The following SLC44A5 variants were observed in gnomAD, a reference collection of about 807,000 sequenced individuals.
The protein encoded by SLC44A5 is choline transporter-like protein 5.
SLC44A5 carries 57 observed loss-of-function variants against 101.8 expected under a neutral mutation model. The observed-to-expected ratio is 0.56, with a 90% CI of 0.45 to 0.70. The LOEUF (loss-of-function observed/expected upper bound fraction) is 0.70, where lower values mean the gene tolerates loss of function less well. Among genes scored for constraint, SLC44A5 ranks in the 30% least tolerant of loss-of-function variants. The pLI is 0.00. For synonymous variants in SLC44A5, 281 were observed against 290.9 expected (o/e 0.97, Z 0.35); for missense variants, 737 against 853.1 (o/e 0.86, Z 1.70).
intron 1 of SLC44A5, among the ~76,000 whole-genome samples, chr1:75,584,799 G>A (rs573326280): frequency 4.4e-4 from 67 of 152,158 alleles, no homozygotes; most frequent in Admixed American, 8.5e-4. Context: ...GTTTCACCAC[G>A]TTGTCCAGGC....
chr1:75,473,843 G>T (rs1175674251), intron 2 of SLC44A5, among the ~76,000 whole-genome samples: 1 of 151,796 alleles, frequency 6.6e-6, no homozygotes, highest in Non-Finnish European at 1.5e-5. Context: ...TAGCAAATTT[G>T]TCCAGCCTAG....
intron 3 of SLC44A5, among the ~76,000 whole-genome samples, chr1:75,376,080 G>A (rs989269824): frequency 1.3e-5 from 2 of 152,196 alleles, no homozygotes; most frequent in South Asian, 2.1e-4. Context: ...GGTGACGGAC[G>A]CACCTGGAAA....
chr1:75,270,118 C>T (rs1005003338), intron 6 of SLC44A5, among the ~76,000 whole-genome samples: 1 of 152,104 alleles, frequency 6.6e-6, no homozygotes, highest in African/African-American at 2.4e-5. Context: ...TTTTTCTTTA[C>T]ATATTACCCA....
At chr1:75,204,920 T>C (rs1646725004) in intron 23 of SLC44A5, 1 of 152,234 alleles carries the variant, frequency 6.6e-6, no homozygotes, top group South Asian at 2.1e-4. Flanking sequence ...TAACAAATTC[T>C]CAGGTAGAGG....
chr1:75,426,281 C>G (rs546567453), intron 2 of SLC44A5, among the ~76,000 whole-genome samples: 1 of 152,128 alleles, frequency 6.6e-6, no homozygotes, highest in Non-Finnish European at 1.5e-5. Context: ...GAAAGTCATT[C>G]CTGATCTCTC....
At chr1:75,284,047 G>A (rs552056259) in intron 5 of SLC44A5, among the ~76,000 whole-genome samples, 1 of 152,082 alleles carries the variant, frequency 6.6e-6, no homozygotes, top group South Asian at 2.1e-4. Context: ...AAGAATAATG[G>A]TATTTTGATG....
chr1:75,368,674 A>ACACACACAC (rs1553167852), intron 3 of SLC44A5, among the ~76,000 whole-genome samples: 1 of 148,270 alleles, frequency 6.7e-6, no homozygotes, highest in African/African-American at 2.6e-5. Context: ...CACACACACC[A>ACACACACAC]CACTCAAATT....
chr1:75,214,776 T>C (rs892215954), intron 19 of SLC44A5, 98 bp from the exon 20 acceptor site: 1 of 922,368 alleles, frequency 1.1e-6, no homozygotes, highest in Non-Finnish European at 1.7e-6. Flanking sequence ...TTAATTCCTG[T>C]CATTTGTAGA....
the SLC44A5 span, among the ~76,000 whole-genome samples, chr1:75,715,138 TCA>T: frequency 6.6e-6 from 1 of 152,048 alleles, no homozygotes; most frequent in Admixed American, 6.6e-5. Flanking sequence ...CTCAAAGAAA[TCA>T]CACACAACAC....
At chr1:75,303,322 G>A (rs776271209) in intron 4 of SLC44A5, among the ~76,000 whole-genome samples, 3 of 152,162 alleles carry the variant, frequency 2.0e-5, no homozygotes, top group Non-Finnish European at 2.9e-5. Context: ...TGCAACCTCC[G>A]ACTCCCTGGT....
At chr1:75,683,750 G>A in the SLC44A5 span, among the ~76,000 whole-genome samples, 1 of 106,064 alleles carries the variant, frequency 9.4e-6, no homozygotes. Context: ...AAAACTTAAA[G>A]TATAATAACA....
intron 1 of SLC44A5, among the ~76,000 whole-genome samples, chr1:75,589,788 C>T (rs929685428): frequency 1.3e-5 from 2 of 152,122 alleles, no homozygotes; most frequent in African/African-American, 2.4e-5. Context: ...AGGCATTGAA[C>T]TCAGTGATGT....
At chr1:75,455,003 A>C (rs1021945872) in intron 2 of SLC44A5, among the ~76,000 whole-genome samples, 9 of 152,094 alleles carry the variant, frequency 5.9e-5, no homozygotes, top group African/African-American at 1.9e-4. Context: ...TCATCTTCAC[A>C]GAAATAGAAA....
rs778677372 is a variant in SLC44A5, at chr1:75,238,743, A to G, written c.533-107T>C. On this transcript the variant is annotated intron_variant, in intron 9 of 23. Transcript: ENST00000370859. ...ATATATAATCAAATTCTTGCTAGGC[A>G]TGCAAATTGCTCAATATAGATAGCT... 2.8e-3 allele frequency: 1,946 copies of G among 703,632 alleles called. 7 individuals carry two copies. Among genetic ancestry groups the G allele is most frequent in the Non-Finnish European group, 3.9e-3 (1,810 of 468,252 alleles). 43.6% of individuals were successfully genotyped at this position (703,632 alleles called of 1,614,324 possible).
intron 1 of SLC44A5, among the ~76,000 whole-genome samples, chr1:75,594,067 C>T: frequency 6.6e-6 from 1 of 151,914 alleles, no homozygotes; most frequent in Non-Finnish European, 1.5e-5. Flanking sequence ...GTGCTTATTT[C>T]ACATTGCATG....
At chr1:75,441,762 A>G (rs1169752321) in intron 2 of SLC44A5, among the ~76,000 whole-genome samples, 1 of 142,232 alleles carries the variant, frequency 7.0e-6, no homozygotes, top group Non-Finnish European at 1.6e-5. Flanking sequence ...GTTTTTAAAT[A>G]TTAGCCAGAA....
rs573572397 is a variant in SLC44A5, at chr1:75,582,232, C to T, written c.-70+28808G>A. On this transcript the variant is annotated intron_variant, in intron 1 of 23. Transcript: ENST00000370859. ...AGTTCCTGAGGAACATGCGCTTTGCCAAGAAGCACAACAAGAAGGGCCTAA... is the reference window on the plus strand; with the variant it reads ...AGTTCCTGAGGAACATGCGCTTTGCTAAGAAGCACAACAAGAAGGGCCTAA... 79 of 1,352,818 alleles carry T rather than the reference C, an allele frequency of 5.8e-5. No individual in the cohort carries two copies. In the African/African-American group the frequency reaches 1.1e-3, roughly 18 times the overall value. 83.8% of individuals were successfully genotyped at this position (1,352,818 alleles called of 1,614,324 possible). A position where few individuals can be genotyped will look rare whatever the true frequency, so the allele number is the denominator to read the frequency against.
At chr1:75,720,502 T>G in the SLC44A5 span, 14 of 152,238 alleles carry the variant, frequency 9.2e-5, no homozygotes, top group Non-Finnish European at 1.9e-4. Flanking sequence ...AAAATGTAGA[T>G]GAAAGATTGT....
the SLC44A5 span, among the ~76,000 whole-genome samples, chr1:75,659,490 A>AAGGAAGGAAGGC: frequency 7.6e-4 from 32 of 42,340 alleles, no homozygotes; most frequent in African/African-American, 1.6e-3. Flanking sequence ...GGAAGGAAGG[A>AAGGAAGGAAGGC]AGGCAGGCAG....
Sources: gnomAD v4.1 joint callset for allele counts (sites outside exome capture counted in the v4.1 genomes callset) on GRCh38, gnomAD v4.1.1 for gene constraint, MANE v1.5 for transcripts, NCBI Gene and HGNC (gene_info 2026-07-23, HGNC 2026-07-21) for gene names.